Variants in CHD2 observed in about 807,000 individuals in gnomAD.
CHD2 encodes ATP-dependent chromatin remodeler CHD2.
CHD2 carries 28 observed loss-of-function variants against 243.9 expected under a neutral mutation model. The ratio of observed to expected loss-of-function variants is 0.11; its 90% CI spans 0.09 to 0.16. CHD2 has a LOEUF of 0.16. CHD2 is among the 10% of genes least tolerant of loss of function. CHD2 has a pLI of 1.00. For missense variants in CHD2, 1,386 were observed against 2,209.8 expected (o/e 0.63, Z 7.47); for synonymous variants, 775 against 779.0 (o/e 0.99, Z 0.09).
At chr15:93,022,439 C>CA (rs1189466491) in intron 38 of CHD2, among the ~76,000 whole-genome samples, 1 of 152,308 alleles carries the variant, frequency 6.6e-6, no homozygotes, top group East Asian at 1.9e-4. Flanking sequence ...GGTCACATTT[C>CA]AACATGAGAT....
intron 34 of CHD2, among the ~76,000 whole-genome samples, chr15:93,007,759 T>C (rs1425245758): frequency 2.0e-5 from 3 of 152,252 alleles, no homozygotes; most frequent in Non-Finnish European, 4.4e-5. Flanking sequence ...TATCGAATTC[T>C]GGATATTGGT....
chr15:92,965,861 T>C (rs1363819275), intron 16 of CHD2, among the ~76,000 whole-genome samples: 1 of 152,080 alleles, frequency 6.6e-6, no homozygotes, highest in Non-Finnish European at 1.5e-5. Flanking sequence ...TTACATTTAA[T>C]TTTTTAGATT....
At chr15:92,942,091 G>A (rs1378196343) in intron 8 of CHD2, 136 bp downstream of exon 8, 1 of 789,678 alleles carries the variant, frequency 1.3e-6, no homozygotes, top group Non-Finnish European at 2.0e-6. Flanking sequence ...TTCTGACCCA[G>A]TGTTTCAGAG....
intron 8 of CHD2, 31 bp from the exon 9 acceptor site, chr15:92,942,810 ACT>A (rs770679718): frequency 2.4e-5 from 36 of 1,529,154 alleles, no homozygotes; most frequent in Middle Eastern, 1.7e-4. Flanking sequence ...GGTGTAATAT[ACT>A]CTCTTTCAAG....
intron 36 of CHD2, among the ~76,000 whole-genome samples, chr15:93,014,033 T>C (rs2054427796): frequency 6.6e-6 from 1 of 151,962 alleles, no homozygotes; most frequent in Non-Finnish European, 1.5e-5. Context: ...AACATAATAT[T>C]GTAGAAATAA....
chr15:92,946,275 G>A, intron 12 of CHD2, 59 bp downstream of exon 12: 2 of 1,349,902 alleles, frequency 1.5e-6, no homozygotes, highest in South Asian at 1.5e-5. Context: ...AAAGAGGATT[G>A]GACACATATG....
intron 2 of CHD2, chr15:92,902,345 T>G (rs1353837261): frequency 2.5e-6 from 1 of 392,454 alleles, no homozygotes; most frequent in African/African-American, 2.1e-5. Flanking sequence ...TATGAATGCA[T>G]TTTTTGATGT....
chr15:92,975,102 G>T (rs1177813067), intron 20 of CHD2, 152 bp downstream of exon 20: 2 of 623,314 alleles, frequency 3.2e-6, no homozygotes, highest in South Asian at 1.9e-5. Context: ...ATAAAAGATG[G>T]TGTTTTGTTG....
At chr15:92,937,150 A>G (rs2053280216) in intron 5 of CHD2, among the ~76,000 whole-genome samples, 1 of 152,176 alleles carries the variant, frequency 6.6e-6, no homozygotes. Flanking sequence ...GGCATGGACC[A>G]TCTCACTTGG....
At chr15:92,976,035 A>G (rs1003232117) in intron 20 of CHD2, among the ~76,000 whole-genome samples, 1 of 152,230 alleles carries the variant, frequency 6.6e-6, no homozygotes, top group African/African-American at 2.4e-5. Flanking sequence ...TTTGGTAATC[A>G]ACATAAAGCA....
At chr15:92,962,063 G>A (rs561734201) in intron 16 of CHD2, among the ~76,000 whole-genome samples, 15 of 151,632 alleles carry the variant, frequency 9.9e-5, no homozygotes, top group South Asian at 2.1e-4. Context: ...TGTATTTTTA[G>A]TAGAGACGAG....
At position 92,997,500 on chromosome 15, in the gene CHD2, A is replaced by G. The variant is rs1437470886; in HGVS notation, c.3885+97A>G. 3.8e-6 allele frequency: 4 copies of G among 1,055,290 alleles called. No individual in the cohort carries two copies. Among genetic ancestry groups the G allele is most frequent in the Non-Finnish European group, 3.9e-6 (3 of 760,456 alleles). The allele number at this position is 1,055,290 out of a possible 1,614,324, so 65.4% of individuals were successfully genotyped here. On this transcript the variant is annotated intron_variant, in intron 30 of 38. Coordinates refer to ENST00000394196, the MANE Select transcript of CHD2 (RefSeq NM_001271.4). The surrounding 1 kb of genome is among the most constrained non-coding windows in gnomAD (Gnocchi z 4.1). ...TCTAACTATTTTCGAGGGGGCATCA[A>G]ATTAGAAATTAGTATAGTCATTCTT...
intron 16 of CHD2, among the ~76,000 whole-genome samples, 160 bp from the exon 17 acceptor site, chr15:92,967,164 AT>A (rs1567145234): frequency 6.6e-6 from 1 of 152,058 alleles, no homozygotes; most frequent in African/African-American, 2.4e-5. Flanking sequence ...GATGGAGTTG[AT>A]TTCATTTTAC....
At position 92,968,463 on chromosome 15, in the gene CHD2, T is replaced by C. The variant is rs535445993; in HGVS notation, c.2189+950T>C. ...ATTAGACTCAGATTCAGTGTGACTT[T>C]AGAGGCAGAGGAATATTGTTTCACA... On this transcript the variant is annotated intron_variant, in intron 17 of 38. Coordinates refer to ENST00000394196, the MANE Select transcript of CHD2 (RefSeq NM_001271.4). Among the ~76,000 whole-genome samples the C allele has an allele frequency of 4.6e-5, 7 of 152,370 alleles. No homozygotes were observed. The South Asian group carries it at 1.2e-3, about 27-fold the overall frequency.
At chr15:92,962,650 C>T (rs897151179) in intron 16 of CHD2, among the ~76,000 whole-genome samples, 8 of 151,848 alleles carry the variant, frequency 5.3e-5, no homozygotes, top group African/African-American at 1.5e-4. Context: ...TGTAAATGTC[C>T]GTTCAGTGTG....
At chr15:92,917,529 C>T (rs989789940) in intron 2 of CHD2, among the ~76,000 whole-genome samples, 2 of 152,194 alleles carry the variant, frequency 1.3e-5, no homozygotes, top group Non-Finnish European at 2.9e-5. Context: ...CCACTGCACT[C>T]CAGCCTGGGC....
rs999531718 is a variant in CHD2, at chr15:93,027,370, G to A, written c.*2665G>A. ...ACCTAAAACCTGCACGTGAACAAGG[G>A]TTGACATGATACACTATGGCCTTAG... is the stretch of plus-strand genomic sequence containing the variant. On this transcript the variant is annotated 3_prime_UTR_variant, in exon 39 of 39. Transcript: ENST00000394196. 9 of 152,186 alleles carry A rather than the reference G, an allele frequency of 5.9e-5. No homozygotes were observed. The highest frequency in any genetic ancestry group is 1.9e-4 in the African/African-American group (8 of 41,434). 9.4% of individuals were successfully genotyped at this position (152,186 alleles called of 1,614,324 possible).
intron 26 of CHD2, among the ~76,000 whole-genome samples, chr15:92,989,923 A>G (rs551860961): frequency 6.6e-5 from 10 of 152,236 alleles, no homozygotes; most frequent in African/African-American, 2.4e-4. Context: ...ACAGACCTGC[A>G]CATGTCAGAG....
intron 33 of CHD2, among the ~76,000 whole-genome samples, chr15:93,002,750 A>G (rs1278605700): frequency 3.3e-5 from 5 of 152,362 alleles, no homozygotes; most frequent in East Asian, 3.9e-4. Flanking sequence ...CCTTGCTATT[A>G]TAACCTTTAC....
Sources: allele counts gnomAD v4.1 joint callset (sites outside exome capture counted in the v4.1 genomes callset), GRCh38; gene constraint gnomAD v4.1.1; non-coding constraint Gnocchi (gnomAD v3.1); transcripts MANE v1.5; gene names NCBI Gene and HGNC (gene_info 2026-07-23, HGNC 2026-07-21).